The following SEPTIN7 variants were observed in gnomAD, a reference collection of about 807,000 sequenced individuals.
SEPTIN7 encodes septin 7.
A neutral mutation model predicts 63.3 loss-of-function variants in SEPTIN7; 10 were observed. The observed-to-expected ratio is 0.16, with a 90% CI of 0.10 to 0.27. The LOEUF is 0.27. SEPTIN7 is among the 10% of genes least tolerant of loss of function. The pLI is 1.00. For missense variants in SEPTIN7, 310 were observed against 521.0 expected (o/e 0.59, Z 3.94); for synonymous variants, 131 against 165.3 (o/e 0.79, Z 1.59).
At chr7:35,870,913 C>T (rs780085018) in intron 4 of SEPTIN7, among the ~76,000 whole-genome samples, 13 of 151,466 alleles carry the variant, frequency 8.6e-5, no homozygotes, top group Non-Finnish European at 1.9e-4. Flanking sequence ...TATTTTGCCT[C>T]TCTCATGTTA....
At chr7:35,814,824 A>T (rs556834518) in intron 1 of SEPTIN7, among the ~76,000 whole-genome samples, 9 of 152,064 alleles carry the variant, frequency 5.9e-5, no homozygotes, top group African/African-American at 2.2e-4. Context: ...AAATACAAAG[A>T]ATTAGCCGGG....
rs1163717896 is a variant in SEPTIN7, at chr7:35,906,491, T to G, written c.*2198T>G. 4.6e-5 allele frequency: 7 copies of G among 152,268 alleles called. No individual in the cohort carries two copies. The South Asian group carries it at 1.4e-3, about 31-fold the overall frequency. The allele number at this position is 152,268 out of a possible 1,614,324, so 9.4% of individuals were successfully genotyped here. A position where few individuals can be genotyped will look rare whatever the true frequency, so the allele number is the denominator to read the frequency against. On this transcript the variant is annotated 3_prime_UTR_variant, in exon 14 of 14. Transcript: ENST00000350320. ...CTGTAGAAAGCAAAATGGCAGTGTCTGTTCTCCACTGTTGGAGGCATTATG... is the reference window on the plus strand; with the variant it reads ...CTGTAGAAAGCAAAATGGCAGTGTCGGTTCTCCACTGTTGGAGGCATTATG...
At chr7:35,808,292 G>T (rs1331242983) in intron 1 of SEPTIN7, among the ~76,000 whole-genome samples, 1 of 152,074 alleles carries the variant, frequency 6.6e-6, no homozygotes, top group East Asian at 1.9e-4. Context: ...TTCCAAAGGT[G>T]TTTTTTGCAT....
At chr7:35,884,444 C>G (rs1227657324) in intron 9 of SEPTIN7, among the ~76,000 whole-genome samples, 1 of 152,176 alleles carries the variant, frequency 6.6e-6, no homozygotes. Flanking sequence ...AGATACTCAA[C>G]TTGCCCCACC....
At chr7:35,864,268 A>G (rs1409867470) in intron 4 of SEPTIN7, among the ~76,000 whole-genome samples, 2 of 152,086 alleles carry the variant, frequency 1.3e-5, no homozygotes, top group East Asian at 1.9e-4. Flanking sequence ...AGTCTTTGCT[A>G]TGCATTCCAA....
chr7:35,818,627 G>T (rs527305940), intron 1 of SEPTIN7, among the ~76,000 whole-genome samples: 12 of 151,842 alleles, frequency 7.9e-5, no homozygotes, highest in Non-Finnish European at 1.8e-4. Flanking sequence ...GTGTGTGTGT[G>T]TTAGTTATTT....
At chr7:35,854,698 A>G (rs1014506156) in intron 3 of SEPTIN7, among the ~76,000 whole-genome samples, 9 of 152,094 alleles carry the variant, frequency 5.9e-5, no homozygotes, top group African/African-American at 2.2e-4. Context: ...AGTACTCCCA[A>G]TCACTATATT....
chr7:35,813,910 A>G (rs966137591), intron 1 of SEPTIN7, among the ~76,000 whole-genome samples: 8 of 152,194 alleles, frequency 5.3e-5, no homozygotes, highest in Non-Finnish European at 1.0e-4. Flanking sequence ...TACATCAATA[A>G]TGTATTGATA....
intron 3 of SEPTIN7, among the ~76,000 whole-genome samples, chr7:35,859,159 G>GCA: frequency 6.6e-6 from 1 of 151,604 alleles, no homozygotes; most frequent in East Asian, 1.9e-4. Flanking sequence ...TTCCTTCTCA[G>GCA]CACTGCTTTT....
chr7:35,836,159 A>G (rs1282263926), intron 3 of SEPTIN7, among the ~76,000 whole-genome samples: 2 of 152,162 alleles, frequency 1.3e-5, no homozygotes, highest in African/African-American at 4.8e-5. Context: ...AGGCATATCA[A>G]ATAATGAAGA....
intron 5 of SEPTIN7, 101 bp from the exon 6 acceptor site, chr7:35,873,540 T>G: frequency 8.9e-7 from 1 of 1,127,720 alleles, no homozygotes; most frequent in South Asian, 1.9e-5. Context: ...TACTGGTAAA[T>G]TCATTTTGCC....
chr7:35,809,864 A>AT (rs1788584118), intron 1 of SEPTIN7, among the ~76,000 whole-genome samples: 2 of 152,238 alleles, frequency 1.3e-5, no homozygotes, highest in South Asian at 4.1e-4. Flanking sequence ...GGTTGGAGCC[A>AT]TTAAATTGAA....
intron 8 of SEPTIN7, among the ~76,000 whole-genome samples, chr7:35,883,630 A>C (rs749084332): frequency 3.3e-5 from 5 of 150,124 alleles, no homozygotes; most frequent in Non-Finnish European, 3.0e-5. Context: ...ATTTTTAGTA[A>C]ATAATTTGAC....
intron 13 of SEPTIN7, among the ~76,000 whole-genome samples, chr7:35,903,638 A>C (rs1409736959): frequency 6.6e-6 from 1 of 152,230 alleles, no homozygotes; most frequent in Non-Finnish European, 1.5e-5. Context: ...TTCTTAAGAC[A>C]AAATGTTAGA....
downstream of SEPTIN7, among the ~76,000 whole-genome samples, chr7:35,912,004 GTTGT>G (rs1274833407): frequency 1.3e-5 from 2 of 152,188 alleles, no homozygotes; most frequent in Non-Finnish European, 2.9e-5. Context: ...TTTAATCTGT[GTTGT>G]TTGTCTTGTA....
At chr7:35,856,297 A>G (rs1471476853) in intron 3 of SEPTIN7, among the ~76,000 whole-genome samples, 1 of 152,062 alleles carries the variant, frequency 6.6e-6, no homozygotes, top group Non-Finnish European at 1.5e-5. Context: ...CTGTCTTTTC[A>G]TGGTTTGGGA....
At chr7:35,820,516 T>A (rs151050227) in intron 1 of SEPTIN7, among the ~76,000 whole-genome samples, 12 of 152,284 alleles carry the variant, frequency 7.9e-5, no homozygotes, top group African/African-American at 2.6e-4. Context: ...AATCCTTCGT[T>A]GAGCTTCTCT....
At chr7:35,840,201 T>TC (rs1473745117) in intron 3 of SEPTIN7, among the ~76,000 whole-genome samples, 2 of 57,600 alleles carry the variant, frequency 3.5e-5, no homozygotes, top group Non-Finnish European at 3.1e-5. Context: ...CCCTTCCCCC[T>TC]CCCCCCTTTC....
chr7:35,833,556 T>C (rs1367718818), intron 3 of SEPTIN7, among the ~76,000 whole-genome samples: 3 of 152,034 alleles, frequency 2.0e-5, no homozygotes, highest in Non-Finnish European at 2.9e-5. Flanking sequence ...TCTATAAGAT[T>C]AGTTATCTTC....
Sources: allele counts gnomAD v4.1 joint callset (sites outside exome capture counted in the v4.1 genomes callset), GRCh38; gene constraint gnomAD v4.1.1; transcripts MANE v1.5; gene names NCBI Gene and HGNC (gene_info 2026-07-23, HGNC 2026-07-21).